Variants in RNF24 observed in about 807,000 individuals in gnomAD.
The protein encoded by RNF24 is ring finger protein 24.
Under a neutral mutation model 20.0 loss-of-function variants are expected in RNF24, and 14 were observed. The observed-to-expected ratio is 0.70, with a 90% CI of 0.46 to 1.10. The LOEUF (loss-of-function observed/expected upper bound fraction) is 1.10, where lower values mean the gene tolerates loss of function less well. RNF24 is among the 50% of genes least tolerant of loss of function. RNF24 has a pLI of 0.00. For missense variants in RNF24, 124 were observed against 177.6 expected (o/e 0.70, Z 1.71); for synonymous variants, 45 against 61.1 (o/e 0.74, Z 1.23).
At chr20:3,944,643 A>G (rs1226634955) in intron 4 of RNF24, among the ~76,000 whole-genome samples, 1 of 152,252 alleles carries the variant, frequency 6.6e-6, no homozygotes, top group Admixed American at 6.5e-5. Context: ...TGTATACAGC[A>G]GGATATACAC....
chr20:3,978,478 A>G (rs1431044673), intron 1 of RNF24, among the ~76,000 whole-genome samples: 1 of 152,230 alleles, frequency 6.6e-6, no homozygotes, highest in Non-Finnish European at 1.5e-5. Flanking sequence ...TACATTGTAC[A>G]CATATACCAA....
chr20:3,962,232 T>C (rs2091209694), intron 2 of RNF24, among the ~76,000 whole-genome samples: 1 of 152,122 alleles, frequency 6.6e-6, no homozygotes, highest in Non-Finnish European at 1.5e-5. Context: ...GGCAGGCACC[T>C]GTAGTCCCAG....
chr20:3,940,297 A>G (rs776107395), intron 4 of RNF24, among the ~76,000 whole-genome samples: 55 of 152,136 alleles, frequency 3.6e-4, no homozygotes, highest in Non-Finnish European at 7.4e-4. Flanking sequence ...AATAATCACA[A>G]TAAAAAAACT....
intron 1 of RNF24, among the ~76,000 whole-genome samples, chr20:3,999,992 G>A (rs956345656): frequency 4.6e-5 from 7 of 152,152 alleles, no homozygotes; most frequent in African/African-American, 1.7e-4. Context: ...TAGTTGCTTA[G>A]AGCAAGGGAA....
intron 3 of RNF24, among the ~76,000 whole-genome samples, chr20:3,947,052 G>A (rs923613840): frequency 6.6e-6 from 1 of 152,104 alleles, no homozygotes; most frequent in African/African-American, 2.4e-5. Flanking sequence ...TTAGCTGGGC[G>A]TTGTGGCAGA....
At chr20:3,982,457 A>C (rs1469042357) in intron 1 of RNF24, among the ~76,000 whole-genome samples, 1 of 151,340 alleles carries the variant, frequency 6.6e-6, no homozygotes, top group African/African-American at 2.4e-5. Flanking sequence ...CGTGCCTGTA[A>C]TCCCAGCTAC....
chr20:3,978,887 C>T (rs982940504), intron 1 of RNF24, among the ~76,000 whole-genome samples: 2 of 151,848 alleles, frequency 1.3e-5, no homozygotes, highest in African/African-American at 2.4e-5. Flanking sequence ...GGGTGGATCA[C>T]CTGAGGTCAG....
intron 1 of RNF24, chr20:3,974,239 T>C: frequency 7.6e-7 from 1 of 1,324,488 alleles, no homozygotes; most frequent in Non-Finnish European, 1.0e-6. Flanking sequence ...AAAAAGCATC[T>C]ACAAAAAACA....
chr20:3,944,975 C>T (rs1600635353), intron 4 of RNF24, among the ~76,000 whole-genome samples: 2 of 152,314 alleles, frequency 1.3e-5, no homozygotes, highest in East Asian at 3.9e-4. Flanking sequence ...GGTGTCATCA[C>T]TATTAAAAGT....
intron 2 of RNF24, among the ~76,000 whole-genome samples, chr20:3,955,133 T>A (rs2091128196): frequency 6.6e-6 from 1 of 152,258 alleles, no homozygotes; most frequent in Non-Finnish European, 1.5e-5. Context: ...TCTTTTCATG[T>A]GCTTGTTGGC....
chr20:3,943,625 G>GA (rs1267609419), intron 4 of RNF24, among the ~76,000 whole-genome samples: 3 of 152,124 alleles, frequency 2.0e-5, no homozygotes, highest in Non-Finnish European at 4.4e-5. Context: ...ATACTATGGT[G>GA]AAAAAAATCC....
In RNF24 at chr20:3,934,913, G is replaced by T; in HGVS notation, c.308+81C>A. ...ATCATGAAGCCATCAAGCTTGTCTG[G>T]CACTGCCCTAAAACCCAAAAGAAGT... is the stretch of plus-strand genomic sequence containing the variant. On this transcript the variant is annotated intron_variant, in intron 5 of 5. Coordinates refer to ENST00000358395, the MANE Select transcript of RNF24 (RefSeq NM_001134337.3). The surrounding 1 kb of genome is among the most constrained non-coding windows in gnomAD (Gnocchi z 4.0). The T allele has an allele frequency of 1.8e-6, 2 of 1,103,972 alleles. No individual in the cohort carries two copies. Among genetic ancestry groups the T allele is most frequent in the Non-Finnish European group, 2.8e-6 (2 of 723,424 alleles). The allele number at this position is 1,103,972 out of a possible 1,614,324, so 68.4% of individuals were successfully genotyped here. A position where few individuals can be genotyped will look rare whatever the true frequency, so the allele number is the denominator to read the frequency against.
intron 4 of RNF24, among the ~76,000 whole-genome samples, chr20:3,944,280 C>T (rs983045535): frequency 1.3e-5 from 2 of 150,778 alleles, no homozygotes; most frequent in South Asian, 2.1e-4. Flanking sequence ...GTCTAAAATG[C>T]CATTAAACAG....
intron 1 of RNF24, among the ~76,000 whole-genome samples, chr20:4,000,084 T>C (rs1241709135): frequency 1.3e-5 from 2 of 152,102 alleles, no homozygotes; most frequent in Non-Finnish European, 2.9e-5. Flanking sequence ...TGTTCTAAAA[T>C]TGATTGTGGT....
In RNF24 at chr20:3,933,316, C is replaced by T. The variant is rs1469499839; in HGVS notation, c.*747G>A. ...CACAGTGCACATGTGGGGATGTGGGCAGCCTCCTGGATCACTCAGGGACAG... is the reference window on the plus strand; with the variant it reads ...CACAGTGCACATGTGGGGATGTGGGTAGCCTCCTGGATCACTCAGGGACAG... On this transcript the variant is annotated 3_prime_UTR_variant, in exon 6 of 6. Coordinates refer to ENST00000358395, the MANE Select transcript of RNF24 (RefSeq NM_001134337.3). The T allele has an allele frequency of 7.5e-6, 3 of 397,600 alleles. No individual in the cohort carries two copies. Among genetic ancestry groups the T allele is most frequent in the Admixed American group, 8.8e-5 (2 of 22,718 alleles). The allele number at this position is 397,600 out of a possible 1,614,324, so 24.6% of individuals were successfully genotyped here. A position where few individuals can be genotyped will look rare whatever the true frequency, so the allele number is the denominator to read the frequency against.
At chr20:3,987,809 G>C (rs112309465) in intron 1 of RNF24, among the ~76,000 whole-genome samples, 140 of 152,274 alleles carry the variant, frequency 9.2e-4, no homozygotes, top group African/African-American at 3.1e-3. Flanking sequence ...ATAATTTAAA[G>C]AGTTTTCACT....
chr20:3,965,667 G>GAGCTATT (rs777774193), intron 1 of RNF24, among the ~76,000 whole-genome samples: 13 of 152,174 alleles, frequency 8.5e-5, no homozygotes, highest in Non-Finnish European at 1.9e-4. Context: ...ATACGCTGTG[G>GAGCTATT]AGCTATTAGA....
intron 1 of RNF24, among the ~76,000 whole-genome samples, chr20:3,972,544 A>T (rs1226570848): frequency 6.6e-6 from 1 of 152,260 alleles, no homozygotes; most frequent in Non-Finnish European, 1.5e-5. Context: ...ACACTACTAA[A>T]TAATCTATAA....
chr20:3,936,275 G>A (rs2090889984), intron 4 of RNF24, among the ~76,000 whole-genome samples: 1 of 152,174 alleles, frequency 6.6e-6, no homozygotes, highest in African/African-American at 2.4e-5. Context: ...AGGGAGGAGA[G>A]CAGGACAGGT....
Sources: gnomAD v4.1 joint callset for allele counts (sites outside exome capture counted in the v4.1 genomes callset) on GRCh38, gnomAD v4.1.1 for gene constraint, Gnocchi (gnomAD v3.1) non-coding constraint, MANE v1.5 for transcripts, NCBI Gene and HGNC (gene_info 2026-07-23, HGNC 2026-07-21) for gene names.